The following NEIL3 variants were observed in gnomAD, a reference collection of about 807,000 sequenced individuals.
NEIL3 encodes the protein endonuclease 8-like 3.
In NEIL3, 48 loss-of-function variants were observed where a neutral mutation model predicts 57.5. The observed-to-expected ratio is 0.83, with a 90% CI of 0.66 to 1.06. The LOEUF is 1.06. NEIL3 is among the 50% of genes least tolerant of loss of function. The pLI is 0.00. For synonymous variants in NEIL3, 261 were observed against 253.2 expected, an observed-to-expected ratio of 1.03 and a Z score of -0.29; for missense variants, 717 against 739.1, an observed-to-expected ratio of 0.97 and a Z score of 0.35.
At chr4:177,329,524 G>T (rs1182046265) in intron 2 of NEIL3, among the ~76,000 whole-genome samples, 1 of 152,004 alleles carries the variant, frequency 6.6e-6, no homozygotes, top group African/African-American at 2.4e-5. Flanking sequence ...AGATTAAGGG[G>T]TTAATTCATC....
chr4:177,368,052 T>C, the NEIL3 span, among the ~76,000 whole-genome samples: 1 of 152,312 alleles, frequency 6.6e-6, no homozygotes, highest in African/African-American at 2.4e-5. Context: ...ACACCCTGAA[T>C]AAGCTATTCT....
chr4:177,330,880 C>T (rs1663153755), intron 2 of NEIL3, among the ~76,000 whole-genome samples: 1 of 152,178 alleles, frequency 6.6e-6, no homozygotes, highest in African/African-American at 2.4e-5. Flanking sequence ...GAACTAATAA[C>T]ATTTCCAGTG....
chr4:177,310,745 T>C (rs543810673), intron 1 of NEIL3, among the ~76,000 whole-genome samples: 3 of 152,346 alleles, frequency 2.0e-5, no homozygotes, highest in East Asian at 1.9e-4. Context: ...TGGTATTCAT[T>C]TGGCCAGAAC....
At chr4:177,310,176 T>G (rs1734450529) in intron 1 of NEIL3, 67 bp downstream of exon 1, 2 of 1,414,982 alleles carry the variant, frequency 1.4e-6, no homozygotes, top group Admixed American at 6.9e-5. Context: ...CCCATCAGGG[T>G]TCCAGGATTT....
chr4:177,362,153 C>T, intron 9 of NEIL3, 136 bp from the exon 10 acceptor site: 1 of 498,592 alleles, frequency 2.0e-6, no homozygotes, highest in Non-Finnish European at 3.3e-6. Flanking sequence ...CGACTAATTA[C>T]TGGTCTATTT....
At chr4:177,315,963 C>A (rs192165662) in intron 1 of NEIL3, among the ~76,000 whole-genome samples, 1 of 152,162 alleles carries the variant, frequency 6.6e-6, no homozygotes, top group Non-Finnish European at 1.5e-5. Flanking sequence ...AGTAGTACCA[C>A]CTGTCCACAG....
intron 1 of NEIL3, among the ~76,000 whole-genome samples, chr4:177,318,196 A>G (rs114122432): frequency 0.016 from 2,470 of 152,278 alleles, 26 homozygotes; most frequent in Non-Finnish European, 0.027. Flanking sequence ...CAGGATGGCT[A>G]GTTTTGAGTC....
chr4:177,319,682 C>A (rs1278199665), intron 1 of NEIL3, among the ~76,000 whole-genome samples: 1 of 151,948 alleles, frequency 6.6e-6, no homozygotes, highest in Non-Finnish European at 1.5e-5. Context: ...CTTATAAAAC[C>A]TAAAGGGGTA....
intron 2 of NEIL3, among the ~76,000 whole-genome samples, chr4:177,333,514 T>A (rs1225604497): frequency 6.6e-6 from 1 of 152,130 alleles, no homozygotes; most frequent in African/African-American, 2.4e-5. Context: ...CTTTAAAATT[T>A]AAAAAAGTGT....
chr4:177,359,709 A>G (rs1177316807), intron 8 of NEIL3, among the ~76,000 whole-genome samples: 1 of 152,208 alleles, frequency 6.6e-6, no homozygotes, highest in African/African-American at 2.4e-5. Context: ...TTATTAAAAA[A>G]CTAATTCTCT....
chr4:177,342,456 T>A (rs775462095), intron 6 of NEIL3, among the ~76,000 whole-genome samples: 1 of 152,110 alleles, frequency 6.6e-6, no homozygotes, highest in Non-Finnish European at 1.5e-5. Context: ...TATAAGATTA[T>A]GTAGTATAAA....
chr4:177,337,995 G>C lies in NEIL3; in HGVS notation c.627+1674G>C, dbSNP rs150743819. On this transcript the variant is annotated intron_variant, in intron 4 of 9. Transcript: ENST00000264596. ...GATCACGCCACTGCACTGCAGTCTGGCAACAGAGCGAGACTCTGTCTCTCT... is the reference window on the plus strand; with the variant it reads ...GATCACGCCACTGCACTGCAGTCTGCCAACAGAGCGAGACTCTGTCTCTCT... Among the ~76,000 whole-genome samples the C allele has an allele frequency of 4.7e-5, 7 of 149,886 alleles. No homozygotes were observed. The East Asian group carries it at 1.4e-3, about 30-fold the overall frequency.
intron 7 of NEIL3, among the ~76,000 whole-genome samples, 175 bp from the exon 8 acceptor site, chr4:177,353,133 T>C (rs868802357): frequency 1.3e-5 from 2 of 152,232 alleles, no homozygotes; most frequent in African/African-American, 2.4e-5. Flanking sequence ...TTTCATTTCC[T>C]AGCCAGAAGA....
At chr4:177,320,461 GCTGTC>G (rs1734656385) in intron 1 of NEIL3, among the ~76,000 whole-genome samples, 1 of 112,466 alleles carries the variant, frequency 8.9e-6, no homozygotes, top group Admixed American at 9.7e-5. Flanking sequence ...GGAAGTGACT[GCTGTC>G]TTTTTTTTTT....
intron 1 of NEIL3, among the ~76,000 whole-genome samples, chr4:177,316,351 C>A (rs1734574494): frequency 6.6e-6 from 1 of 152,078 alleles, no homozygotes; most frequent in Admixed American, 6.5e-5. Context: ...AGAGGAACTC[C>A]TCCCTAAACC....
rs1310786472 is a variant in NEIL3 at position 177,351,504 on chromosome 4, C to A, written c.994C>A (p.Pro332Thr). 1 of 1,613,764 alleles carries A rather than the reference C, an allele frequency of 6.2e-7. No homozygotes were observed. The highest frequency in any genetic ancestry group is 1.3e-5 in the African/African-American group (1 of 74,878). ...TCVVCTLINK[P>T]SSKACDACLT... ...TGTGGTGTGTACTTTAATCAATAAG[C>A]CCTCTTCTAAGGCATGTGATGCTTG... Residue 332 changes from proline (P) to threonine (T), a missense_variant, in exon 7 of 10, where the codon CCC becomes ACC. Pro to Thr is a conservative substitution (Grantham distance 38, BLOSUM62 -1). Coordinates refer to ENST00000264596, the MANE Select transcript of NEIL3 (RefSeq NM_018248.3).
chr4:177,324,069 A>G (rs1051385209), intron 2 of NEIL3, among the ~76,000 whole-genome samples: 1 of 152,098 alleles, frequency 6.6e-6, no homozygotes, highest in African/African-American at 2.4e-5. Context: ...ACCTAAAATC[A>G]TTTGCCCCTC....
rs932673239 is a variant in NEIL3, at chr4:177,362,313, T to A, written c.1660T>A (p.Cys554Ser). The A allele has an allele frequency of 1.2e-6, 2 of 1,606,500 alleles. No individual in the cohort carries two copies. The highest frequency in any genetic ancestry group is 8.5e-7 in the Non-Finnish European group (1 of 1,177,750). Residue 554 changes from cysteine to serine, a missense_variant, in exon 10 of 10, where the codon TGC becomes AGC. Physicochemically the swap from Cys to Ser is moderately radical, Grantham distance 112 (BLOSUM62 -1). Transcript: ENST00000264596. ...FEWADLSFPF[C>S]NHGKRSTMKT... ...GTGGGCAGATTTGTCCTTCCCATTC[T>A]GCAACCATGGCAAGCGTTCCACCAT...
At chr4:177,353,886 C>T (rs1735418580) in intron 8 of NEIL3, 158 bp downstream of exon 8, 1 of 640,448 alleles carries the variant, frequency 1.6e-6, no homozygotes, top group Non-Finnish European at 2.7e-6. Flanking sequence ...CTGCCTCAGC[C>T]TCCCAAGTAG....
Sources: allele counts gnomAD v4.1 joint callset (sites outside exome capture counted in the v4.1 genomes callset), GRCh38; gene constraint gnomAD v4.1.1; transcripts MANE v1.5; gene names NCBI Gene and HGNC (gene_info 2026-07-23, HGNC 2026-07-21).